GLCCI1: variants seen among roughly 807,000 people sequenced by gnomAD.
GLCCI1 encodes the protein glucocorticoid-induced transcript 1 protein.
GLCCI1 carries 24 observed loss-of-function variants against 52.2 expected under a neutral mutation model. The ratio of observed to expected loss-of-function variants is 0.46; its 90% CI spans 0.33 to 0.65. The LOEUF (loss-of-function observed/expected upper bound fraction) is 0.65, where lower values mean the gene tolerates loss of function less well. Among genes scored for constraint, GLCCI1 ranks in the 30% least tolerant of loss-of-function variants. The pLI is 0.02. For missense variants in GLCCI1, 704 were observed against 701.5 expected (o/e 1.00, Z -0.04); for synonymous variants, 310 against 276.5 (o/e 1.12, Z -1.20).
chr7:7,999,648 T>C (rs1385377995), intron 1 of GLCCI1, among the ~76,000 whole-genome samples: 1 of 151,658 alleles, frequency 6.6e-6, no homozygotes, highest in Non-Finnish European at 1.5e-5. Context: ...CTTATACCTG[T>C]ATTCCTAGTA....
intron 1 of GLCCI1, among the ~76,000 whole-genome samples, chr7:7,989,106 T>C (rs573402949): frequency 1.2e-4 from 18 of 152,286 alleles, no homozygotes; most frequent in African/African-American, 4.1e-4. Flanking sequence ...AAGCAATCTG[T>C]CAGTCAGAAA....
chr7:8,016,875 G>A (rs774186888), intron 2 of GLCCI1, among the ~76,000 whole-genome samples: 1 of 152,154 alleles, frequency 6.6e-6, no homozygotes, highest in South Asian at 2.1e-4. Flanking sequence ...TAAGTGGACA[G>A]GAAAAGTCTT....
intron 1 of GLCCI1, among the ~76,000 whole-genome samples, chr7:7,985,067 T>C (rs540272786): frequency 6.6e-6 from 1 of 152,382 alleles, no homozygotes; most frequent in African/African-American, 2.4e-5. Context: ...ATTCTACTCT[T>C]GTCACTGTCA....
chr7:8,068,761 G>A (rs1782688713), intron 5 of GLCCI1, among the ~76,000 whole-genome samples: 1 of 152,132 alleles, frequency 6.6e-6, no homozygotes, highest in South Asian at 2.1e-4. Flanking sequence ...CACCTGTGTG[G>A]GCTGATGTTC....
chr7:8,060,033 C>G (rs1782479144), intron 4 of GLCCI1, 63 bp from the exon 5 acceptor site: 16 of 1,319,432 alleles, frequency 1.2e-5, no homozygotes, highest in Non-Finnish European at 1.6e-5. Context: ...ATTTACCATA[C>G]TCTTTAGTTC....
At chr7:8,021,356 T>A (rs1781482140) in intron 2 of GLCCI1, among the ~76,000 whole-genome samples, 1 of 152,236 alleles carries the variant, frequency 6.6e-6, no homozygotes, top group Non-Finnish European at 1.5e-5. Flanking sequence ...TGACCCTTTC[T>A]GATTTACATT....
intron 1 of GLCCI1, among the ~76,000 whole-genome samples, chr7:7,988,236 A>G (rs1316086031): frequency 6.6e-6 from 1 of 152,136 alleles, no homozygotes; most frequent in Non-Finnish European, 1.5e-5. Context: ...GGATCCAGAA[A>G]GTTCAACTAG....
At chr7:7,975,279 C>T (rs527956729) in intron 1 of GLCCI1, among the ~76,000 whole-genome samples, 1 of 152,328 alleles carries the variant, frequency 6.6e-6, no homozygotes, top group African/African-American at 2.4e-5. Context: ...CATGAACAAA[C>T]ATGGCAGATA....
chr7:8,067,966 C>T (rs1175814389), intron 5 of GLCCI1, among the ~76,000 whole-genome samples: 1 of 152,110 alleles, frequency 6.6e-6, no homozygotes, highest in Non-Finnish European at 1.5e-5. Flanking sequence ...TTGCTTTCTC[C>T]TCATCATTTT....
At chr7:7,979,653 C>A (rs773821372) in intron 1 of GLCCI1, among the ~76,000 whole-genome samples, 16 of 152,270 alleles carry the variant, frequency 1.1e-4, no homozygotes, top group Non-Finnish European at 1.9e-4. Flanking sequence ...TCTATGCATA[C>A]ATATACATTA....
intron 2 of GLCCI1, among the ~76,000 whole-genome samples, chr7:8,017,523 T>C (rs1238493191): frequency 6.6e-6 from 1 of 152,160 alleles, no homozygotes; most frequent in African/African-American, 2.4e-5. Context: ...TAGTCTGAGG[T>C]TGAGCCTGAG....
chr7:8,042,891 A>G (rs1226997611), intron 3 of GLCCI1, among the ~76,000 whole-genome samples: 1 of 152,216 alleles, frequency 6.6e-6, no homozygotes, highest in African/African-American at 2.4e-5. Context: ...CTGCGAGTAA[A>G]ATGCTATCAA....
chr7:8,039,826 G>A (rs754495732), intron 3 of GLCCI1, among the ~76,000 whole-genome samples: 46 of 151,960 alleles, frequency 3.0e-4, no homozygotes, highest in Middle Eastern at 3.4e-3. Flanking sequence ...GTGAAACCCC[G>A]TCTCTACTAA....
intron 1 of GLCCI1, among the ~76,000 whole-genome samples, chr7:7,985,548 A>AAAC: frequency 6.6e-6 from 1 of 152,230 alleles, no homozygotes. Flanking sequence ...AGTTAAAAAA[A>AAAC]AACCAGTGAA....
rs1015695316 is a variant in GLCCI1, at chr7:8,089,029, A to C, written c.*2491A>C. 1.3e-5 allele frequency: 2 copies of C among 152,580 alleles called. No individual in the cohort carries two copies. The highest frequency in any genetic ancestry group is 4.8e-5 in the African/African-American group (2 of 41,448). 9.5% of individuals were successfully genotyped at this position (152,580 alleles called of 1,614,324 possible). A position where few individuals can be genotyped will look rare whatever the true frequency, so the allele number is the denominator to read the frequency against. The stretch of plus-strand genomic sequence containing the variant: ...TGTGGCTTTTGTTTTGTATTTTTTC[A>C]GTATAGAAGTTCCTGTGTCTTATTT... On this transcript the variant is annotated 3_prime_UTR_variant, in exon 8 of 8. Coordinates refer to ENST00000223145, the MANE Select transcript of GLCCI1 (RefSeq NM_138426.4).
intron 3 of GLCCI1, among the ~76,000 whole-genome samples, chr7:8,036,777 A>G (rs752305005): frequency 1.3e-4 from 20 of 152,202 alleles, no homozygotes; most frequent in Non-Finnish European, 2.2e-4. Flanking sequence ...AGTTTTAACA[A>G]GTAGACTAAA....
In GLCCI1 at chr7:8,069,551, C is replaced by T. The variant is rs568303988; in HGVS notation, c.967-1370C>T. ...TGCTGGCCTGAGCCGGGAGCCCCAC[C>T]GGGTGAAAGGTGGGGTGCCGAGGGC... On this transcript the variant is annotated intron_variant, in intron 5 of 7. Coordinates refer to ENST00000223145, the MANE Select transcript of GLCCI1 (RefSeq NM_138426.4). Among the ~76,000 whole-genome samples the T allele has an allele frequency of 8.5e-5, 13 of 152,172 alleles. No individual in the cohort carries two copies. In the East Asian group the frequency reaches 1.6e-3, roughly 18 times the overall value.
rs372079160 is a variant in GLCCI1, at chr7:8,086,323, C to A, written c.1429C>A (p.Leu477Ile). The change falls in exon 8 of 8, where the codon CTC becomes ATC. Residue 477 changes from leucine (L) to isoleucine (I), a missense_variant. Physicochemically the swap from Leu to Ile is conservative, Grantham distance 5. Coordinates refer to ENST00000223145, the MANE Select transcript of GLCCI1 (RefSeq NM_138426.4). The surrounding 1 kb of genome is among the most constrained non-coding windows in gnomAD (Gnocchi z 4.4). ...GPLLPASDLM[L>I]KNSPNSGQSS... ...CCTCTTACCTGCTTCTGACCTTATG[C>A]TCAAGAACTCCCCTAACTCTGGCCA... 1.2e-6 allele frequency: 2 copies of A among 1,614,078 alleles called. No homozygotes were observed. Among genetic ancestry groups the A allele is most frequent in the Non-Finnish European group, 1.7e-6 (2 of 1,179,958 alleles).
At chr7:8,061,876 AG>A (rs1442137969) in intron 5 of GLCCI1, among the ~76,000 whole-genome samples, 2 of 151,782 alleles carry the variant, frequency 1.3e-5, no homozygotes, top group Admixed American at 6.6e-5. Context: ...CATGTTGACC[AG>A]GCTGGTCTCG....
Sources: allele counts gnomAD v4.1 joint callset (sites outside exome capture counted in the v4.1 genomes callset), GRCh38; gene constraint gnomAD v4.1.1; non-coding constraint Gnocchi (gnomAD v3.1); transcripts MANE v1.5; gene names NCBI Gene and HGNC (gene_info 2026-07-23, HGNC 2026-07-21).